The following MDGA2 variants were observed in gnomAD, a reference collection of about 807,000 sequenced individuals.
MDGA2 encodes the protein MAM domain-containing glycosylphosphatidylinositol anchor protein 2.
A neutral mutation model predicts 117.8 loss-of-function variants in MDGA2; 40 were observed. The observed-to-expected ratio is 0.34, with a 90% CI of 0.26 to 0.44. The LOEUF (loss-of-function observed/expected upper bound fraction) is 0.44. Ranked by LOEUF, MDGA2 falls within the 20% of genes least tolerant of loss-of-function variation. The pLI is 1.00. For missense variants in MDGA2, 1,123 were observed against 1,250.6 expected, an observed-to-expected ratio of 0.90 and a Z score of 1.54; for synonymous variants, 452 against 439.0, an observed-to-expected ratio of 1.03 and a Z score of -0.37.
chr14:47,547,289 A>C (rs1041941771), intron 1 of MDGA2, among the ~76,000 whole-genome samples: 1 of 152,234 alleles, frequency 6.6e-6, no homozygotes, highest in Non-Finnish European at 1.5e-5. Flanking sequence ...TGCAGTCATC[A>C]GTTGCCACAT....
chr14:47,671,732 T>C (rs1898079606), intron 1 of MDGA2, among the ~76,000 whole-genome samples: 1 of 152,222 alleles, frequency 6.6e-6, no homozygotes, highest in African/African-American at 2.4e-5. Context: ...ACCCTGCCTT[T>C]TAAATTAATC....
intron 1 of MDGA2, among the ~76,000 whole-genome samples, chr14:47,328,208 G>A (rs1890197740): frequency 6.6e-6 from 1 of 152,000 alleles, no homozygotes; most frequent in Non-Finnish European, 1.5e-5. Flanking sequence ...TCGGGCAGAG[G>A]GGGATAAACT....
intron 1 of MDGA2, among the ~76,000 whole-genome samples, chr14:47,314,297 T>A (rs1358912368): frequency 3.9e-5 from 6 of 152,160 alleles, no homozygotes; most frequent in Admixed American, 3.9e-4. Context: ...CCATTAATAT[T>A]TTCTAGTTTA....
At chr14:47,003,597 C>T (rs1452288961) in intron 8 of MDGA2, among the ~76,000 whole-genome samples, 4 of 151,924 alleles carry the variant, frequency 2.6e-5, no homozygotes, top group Non-Finnish European at 5.9e-5. Context: ...GATTATTTGC[C>T]ATCCATATAT....
intron 2 of MDGA2, among the ~76,000 whole-genome samples, chr14:47,242,961 C>T (rs1887108826): frequency 6.6e-6 from 1 of 151,822 alleles, no homozygotes. Context: ...ATTGTAAATG[C>T]ACCAATCAGC....
chr14:47,265,759 C>T (rs546746416), intron 2 of MDGA2, among the ~76,000 whole-genome samples: 1 of 152,154 alleles, frequency 6.6e-6, no homozygotes, highest in South Asian at 2.1e-4. Context: ...GGTGACATTA[C>T]TATAATCTTA....
intron 5 of MDGA2, among the ~76,000 whole-genome samples, chr14:47,098,770 T>G (rs921877528): frequency 2.6e-5 from 4 of 151,910 alleles, no homozygotes; most frequent in Admixed American, 6.6e-5. Flanking sequence ...CACATTTTAG[T>G]CAAATTAAAA....
intron 6 of MDGA2, among the ~76,000 whole-genome samples, chr14:47,064,578 C>T (rs943824256): frequency 2.0e-5 from 3 of 151,936 alleles, no homozygotes; most frequent in Admixed American, 6.6e-5. Context: ...AATTTGCAAC[C>T]TAATTCCAGT....
At chr14:47,305,107 G>A (rs1236079676) in intron 1 of MDGA2, 1 of 152,074 alleles carries the variant, frequency 6.6e-6, no homozygotes, top group Non-Finnish European at 1.5e-5. Flanking sequence ...TACTAATTGA[G>A]TTTTAGTTTC....
At chr14:47,028,002 T>C (rs1888535899) in intron 8 of MDGA2, among the ~76,000 whole-genome samples, 1 of 152,134 alleles carries the variant, frequency 6.6e-6, no homozygotes, top group South Asian at 2.1e-4. Flanking sequence ...TGTTTCTATA[T>C]ACATTGTTTC....
intron 1 of MDGA2, among the ~76,000 whole-genome samples, chr14:47,323,149 G>GATATATATATAT (rs58765297): frequency 1.2e-3 from 131 of 107,584 alleles, no homozygotes; most frequent in South Asian, 2.9e-3. Context: ...AAGAGTCATG[G>GATATATATATAT]ATATATATAT....
chr14:47,341,683 G>C (rs1298105062), intron 1 of MDGA2, among the ~76,000 whole-genome samples: 3 of 152,162 alleles, frequency 2.0e-5, no homozygotes, highest in Admixed American at 6.5e-5. Context: ...AAAGTGTTAT[G>C]TGTTTTCCTT....
intron 1 of MDGA2, among the ~76,000 whole-genome samples, chr14:47,401,185 C>A (rs988488314): frequency 1.3e-5 from 2 of 151,946 alleles, no homozygotes; most frequent in African/African-American, 4.8e-5. Context: ...CACACAATTG[C>A]TCATTATTTT....
At chr14:47,544,453 G>C (rs1401026752) in intron 1 of MDGA2, among the ~76,000 whole-genome samples, 1 of 152,144 alleles carries the variant, frequency 6.6e-6, no homozygotes, top group African/African-American at 2.4e-5. Flanking sequence ...AATTCTGAAT[G>C]AATGGGTGGA....
intron 1 of MDGA2, among the ~76,000 whole-genome samples, chr14:47,514,534 T>C (rs1265878403): frequency 6.6e-6 from 1 of 152,108 alleles, no homozygotes; most frequent in Non-Finnish European, 1.5e-5. Context: ...CACAAACCTA[T>C]TGACACCAGC....
intron 8 of MDGA2, among the ~76,000 whole-genome samples, chr14:47,022,228 G>A (rs1380666425): frequency 6.6e-6 from 1 of 152,004 alleles, no homozygotes; most frequent in Non-Finnish European, 1.5e-5. Context: ...TGGAACTGTA[G>A]GTGTGCATCA....
At chr14:47,551,676 T>C (rs1344942324) in intron 1 of MDGA2, among the ~76,000 whole-genome samples, 2 of 152,204 alleles carry the variant, frequency 1.3e-5, no homozygotes, top group Non-Finnish European at 1.5e-5. Flanking sequence ...GAAATATTAA[T>C]AGATGCAAAG....
chr14:47,126,424 A>G (rs1465001759), intron 5 of MDGA2, among the ~76,000 whole-genome samples: 3 of 152,150 alleles, frequency 2.0e-5, no homozygotes, highest in African/African-American at 7.2e-5. Flanking sequence ...GGTGTGATAC[A>G]TAATGACACT....
chr14:47,612,370 T>C lies in MDGA2; in HGVS notation c.280+62147A>G, dbSNP rs558509384. On this transcript the variant is annotated intron_variant, in intron 1 of 16. Transcript: ENST00000399232. Reference sequence around the variant, plus strand: ...TAATTTAGGAGGTTACATATACTCATGGAAAAACTACCAATCTAAAATAAT... The same window carrying C: ...TAATTTAGGAGGTTACATATACTCACGGAAAAACTACCAATCTAAAATAAT... Among the ~76,000 whole-genome samples, 5 of 152,262 alleles carry C rather than the reference T, an allele frequency of 3.3e-5. No individual in the cohort carries two copies. In the South Asian group the frequency reaches 8.3e-4, roughly 25 times the overall value.
Sources: gnomAD v4.1 joint callset for allele counts (sites outside exome capture counted in the v4.1 genomes callset) on GRCh38, gnomAD v4.1.1 for gene constraint, MANE v1.5 for transcripts, NCBI Gene and HGNC (gene_info 2026-07-23, HGNC 2026-07-21) for gene names.